The following TSHR variants were observed in gnomAD, a reference collection of about 807,000 sequenced individuals.
TSHR encodes thyroid stimulating hormone receptor.
Under a neutral mutation model 64.1 loss-of-function variants are expected in TSHR, and 51 were observed. That is an observed-to-expected ratio of 0.80 (90% confidence interval 0.64 to 1.01). The LOEUF (loss-of-function observed/expected upper bound fraction) is 1.01. Among genes scored for constraint, TSHR ranks in the 50% least tolerant of loss-of-function variants. The pLI is 0.00. For synonymous variants in TSHR, 361 were observed against 361.9 expected (o/e 1.00, Z 0.03); for missense variants, 877 against 942.8 (o/e 0.93, Z 0.91).
intron 1 of TSHR, among the ~76,000 whole-genome samples, chr14:81,040,294 C>T (rs984926460): frequency 4.0e-5 from 6 of 151,834 alleles, no homozygotes; most frequent in African/African-American, 7.2e-5. Flanking sequence ...CCCCGTCTTT[C>T]ATCATATACA....
At chr14:81,057,473 GATAA>G (rs1885904053) in intron 1 of TSHR, among the ~76,000 whole-genome samples, 1 of 152,068 alleles carries the variant, frequency 6.6e-6, no homozygotes, top group South Asian at 2.1e-4. Context: ...CAAGGCAAGT[GATAA>G]ATGTCACATT....
At chr14:81,038,305 A>T (rs913636331) in intron 1 of TSHR, among the ~76,000 whole-genome samples, 1 of 151,994 alleles carries the variant, frequency 6.6e-6, no homozygotes, top group Non-Finnish European at 1.5e-5. Flanking sequence ...GAAACACAAC[A>T]CACCTCAATC....
intron 1 of TSHR, among the ~76,000 whole-genome samples, chr14:81,056,912 C>T (rs1389351345): frequency 3.3e-5 from 5 of 152,070 alleles, no homozygotes; most frequent in African/African-American, 1.2e-4. Flanking sequence ...TACTATACCA[C>T]CCAAAATACA....
At chr14:81,092,408 C>A in intron 5 of TSHR, 123 bp from the exon 6 acceptor site, 2 of 965,202 alleles carry the variant, frequency 2.1e-6, no homozygotes, top group Non-Finnish European at 3.3e-6. Flanking sequence ...GTCAGTGAAA[C>A]TTAAAAAGAA....
Position 80,983,496 on chromosome 14 carries a change from G to A in TSHR, c.170+27646G>A, listed in dbSNP as rs533762633. Reference sequence around the variant, plus strand: ...CATCTTTAACCATAAAGAGGCAAAAGCCAGTCTTGTTAGTGGTGTGGCCAT... The same window carrying A: ...CATCTTTAACCATAAAGAGGCAAAAACCAGTCTTGTTAGTGGTGTGGCCAT... On this transcript the variant is annotated intron_variant, in intron 1 of 9. Transcript: ENST00000298171. 11 of 1,352,102 alleles carry A rather than the reference G, an allele frequency of 8.1e-6. 1 individual carries two copies. The Admixed American group carries it at 1.6e-4, about 19-fold the overall frequency. 83.8% of individuals were successfully genotyped at this position (1,352,102 alleles called of 1,614,324 possible). A position where few individuals can be genotyped will look rare whatever the true frequency, so the allele number is the denominator to read the frequency against.
At chr14:80,999,373 CT>C (rs1173804223) in intron 1 of TSHR, among the ~76,000 whole-genome samples, 1 of 152,172 alleles carries the variant, frequency 6.6e-6, no homozygotes, top group Non-Finnish European at 1.5e-5. Context: ...AGTCTTTTCT[CT>C]TCTAGGCTAA....
chr14:81,088,069 A>G (rs1566805057), intron 4 of TSHR, 41 bp downstream of exon 4: 1 of 1,476,144 alleles, frequency 6.8e-7, no homozygotes, highest in Non-Finnish European at 9.5e-7. Flanking sequence ...TTCTGGGGGG[A>G]GGGGGTCAGA....
At chr14:80,970,616 C>T (rs1887543497) in intron 1 of TSHR, among the ~76,000 whole-genome samples, 1 of 152,158 alleles carries the variant, frequency 6.6e-6, no homozygotes, top group South Asian at 2.1e-4. Flanking sequence ...GCTGTATGGC[C>T]CACATGGCAG....
At chr14:80,968,765 T>C (rs1887443215) in intron 1 of TSHR, among the ~76,000 whole-genome samples, 1 of 152,190 alleles carries the variant, frequency 6.6e-6, no homozygotes, top group East Asian at 1.9e-4. Context: ...CTAGACACAC[T>C]CCTTACTCTT....
intron 1 of TSHR, among the ~76,000 whole-genome samples, chr14:81,060,630 T>C (rs1886167334): frequency 6.6e-6 from 1 of 152,088 alleles, no homozygotes; most frequent in Non-Finnish European, 1.5e-5. Flanking sequence ...GTTGCAAAAA[T>C]GAATACTTCA....
intron 8 of TSHR, among the ~76,000 whole-genome samples, chr14:81,125,312 GA>G (rs575589927): frequency 1.3e-5 from 2 of 151,856 alleles, no homozygotes; most frequent in Non-Finnish European, 2.9e-5. Flanking sequence ...GTGTTCAGAG[GA>G]AAAAAAATTA....
rs1011744438 is a variant in TSHR, at chr14:81,145,805, T to C, written c.*1452T>C. ...AGGATCTTTATCTACAGATGTACTCTCCAGGTTACCTGTGATGATAGCCCC... is the reference window on the plus strand; with the variant it reads ...AGGATCTTTATCTACAGATGTACTCCCCAGGTTACCTGTGATGATAGCCCC... On this transcript the variant is annotated 3_prime_UTR_variant, in exon 10 of 10. Transcript: ENST00000298171. The C allele has an allele frequency of 3.0e-5, 7 of 232,922 alleles. 1 individual carries two copies. The allele number at this position is 232,922 out of a possible 1,614,324, so 14.4% of individuals were successfully genotyped here.
intron 4 of TSHR, among the ~76,000 whole-genome samples, chr14:81,090,615 GC>G (rs1888651637): frequency 6.6e-6 from 1 of 152,096 alleles, no homozygotes; most frequent in African/African-American, 2.4e-5. Flanking sequence ...GATATTCTTG[GC>G]AAAATAACAG....
rs184290285 is a variant in TSHR at position 81,055,454 on chromosome 14, C to T, written c.171-6694C>T. 6.6e-5 allele frequency among the ~76,000 whole-genome samples: 10 copies of T among 152,262 alleles called. No homozygotes were observed. In the East Asian group the frequency reaches 1.4e-3, roughly 21 times the overall value. On this transcript the variant is annotated intron_variant, in intron 1 of 9. Transcript: ENST00000298171. Reference sequence around the variant, plus strand: ...AAGAGGGCCACCATCCTCCAGACCCCGGAATGGTAGATCCACAGACCACTT... The same window carrying T: ...AAGAGGGCCACCATCCTCCAGACCCTGGAATGGTAGATCCACAGACCACTT...
rs150925514 is a variant in TSHR, at chr14:80,968,864, C to T, written c.170+13014C>T. 3.4e-3 allele frequency among the ~76,000 whole-genome samples: 513 copies of T among 152,250 alleles called. 6 individuals carry two copies. The highest frequency in any genetic ancestry group is 0.012 in the African/African-American group (497 of 41,556). ...AAACTCCTTTATTTACCTATTTGTC[C>T]TCTAGCATGAGAAGCTCAAATGACC... is the stretch of plus-strand genomic sequence containing the variant. On this transcript the variant is annotated intron_variant, in intron 1 of 9. Transcript: ENST00000298171.
chr14:81,144,174 T>C lies in TSHR; in HGVS notation c.2116T>C (p.Tyr706His). The part of the protein sequence containing the change: ...FGICKRQAQA[Y>H]RGQRVPPKNS... ...CATCTGTAAACGCCAGGCTCAGGCA[T>C]ACCGGGGGCAGAGGGTTCCTCCAAA... The change falls in exon 10 of 10, where the codon TAC becomes CAC. Residue 706 changes from tyrosine (Y) to histidine (H), a missense_variant. Tyr to His is a moderately conservative substitution (Grantham distance 83, BLOSUM62 2). Coordinates refer to ENST00000298171, the MANE Select transcript of TSHR (RefSeq NM_000369.5). 3.1e-6 allele frequency: 5 copies of C among 1,614,032 alleles called. No individual in the cohort carries two copies. The highest frequency in any genetic ancestry group is 4.2e-6 in the Non-Finnish European group (5 of 1,179,924).
intron 1 of TSHR, among the ~76,000 whole-genome samples, chr14:81,028,010 G>A (rs888880322): frequency 3.9e-5 from 6 of 152,068 alleles, no homozygotes; most frequent in Non-Finnish European, 7.4e-5. Flanking sequence ...GAAAAGAAAA[G>A]CAAGAAGATG....
chr14:81,130,292 A>G (rs1483667794), intron 8 of TSHR, among the ~76,000 whole-genome samples: 1 of 152,122 alleles, frequency 6.6e-6, no homozygotes, highest in Non-Finnish European at 1.5e-5. Flanking sequence ...TCAGGTTTTC[A>G]CTTCCCACCA....
chr14:81,130,425 AT>A (rs1891188963), intron 8 of TSHR, among the ~76,000 whole-genome samples: 1 of 152,178 alleles, frequency 6.6e-6, no homozygotes, highest in East Asian at 1.9e-4. Context: ...CTTGGAATGT[AT>A]TCTTCTTTTG....
Sources: allele counts gnomAD v4.1 joint callset (sites outside exome capture counted in the v4.1 genomes callset), GRCh38; gene constraint gnomAD v4.1.1; transcripts MANE v1.5; gene names NCBI Gene and HGNC (gene_info 2026-07-23, HGNC 2026-07-21).